Variants in HTR4 observed in about 807,000 individuals in gnomAD.
The protein encoded by HTR4 is 5-hydroxytryptamine receptor 4, also known as 5-hydroxytryptamine (serotonin) receptor 4, G protein-coupled.
Under a neutral mutation model 36.8 loss-of-function variants are expected in HTR4, and 16 were observed. The ratio of observed to expected loss-of-function variants is 0.43; its 90% CI spans 0.29 to 0.66. The LOEUF (loss-of-function observed/expected upper bound fraction) is 0.66, where lower values mean the gene tolerates loss of function less well. Among genes scored for constraint, HTR4 ranks in the 30% least tolerant of loss-of-function variants. The probability of loss-of-function intolerance (pLI) is 0.13; values close to 1 mark genes in which losing one functional copy is unlikely to be tolerated. For synonymous variants in HTR4, 189 were observed against 185.1 expected (o/e 1.02, Z -0.17); for missense variants, 438 against 490.9 (o/e 0.89, Z 1.02).
intron 5 of HTR4, among the ~76,000 whole-genome samples, chr5:148,516,969 A>G (rs1426112280): frequency 6.6e-6 from 1 of 152,214 alleles, no homozygotes; most frequent in East Asian, 1.9e-4. Flanking sequence ...AAAGGCCCCA[A>G]AGGAAATAGT....
intron 5 of HTR4, among the ~76,000 whole-genome samples, chr5:148,511,044 T>A (rs920901581): frequency 2.0e-5 from 3 of 152,210 alleles, no homozygotes; most frequent in African/African-American, 7.2e-5. Flanking sequence ...CATTTAGGTG[T>A]TCACCCTAAT....
intron 2 of HTR4, among the ~76,000 whole-genome samples, chr5:148,580,256 T>A (rs1057114284): frequency 2.0e-5 from 3 of 152,058 alleles, no homozygotes; most frequent in African/African-American, 7.2e-5. Flanking sequence ...CAGTAATCTT[T>A]TTCCCCCAGT....
At chr5:148,602,090 AT>A (rs1762016626) in intron 2 of HTR4, among the ~76,000 whole-genome samples, 1 of 152,178 alleles carries the variant, frequency 6.6e-6, no homozygotes, top group African/African-American at 2.4e-5. Context: ...ATACTCCATT[AT>A]ATACTTAAAA....
intron 6 of HTR4, among the ~76,000 whole-genome samples, chr5:148,493,030 C>T (rs762011209): frequency 3.5e-4 from 54 of 152,334 alleles, no homozygotes; most frequent in African/African-American, 9.9e-4. Context: ...TTAGGCCACC[C>T]GATTAACACA....
chr5:148,506,849 G>A (rs1446619046), intron 6 of HTR4, among the ~76,000 whole-genome samples: 1 of 152,150 alleles, frequency 6.6e-6, no homozygotes, highest in African/African-American at 2.4e-5. Context: ...AGTTAGAATG[G>A]CAATCATTAA....
chr5:148,471,370 A>G (rs1281121208), intron 5 of HTR4, among the ~76,000 whole-genome samples: 1 of 152,162 alleles, frequency 6.6e-6, no homozygotes, highest in Non-Finnish European at 1.5e-5. Flanking sequence ...ATTGAATTCA[A>G]TCATTCCCCA....
intron 2 of HTR4, among the ~76,000 whole-genome samples, chr5:148,610,947 T>C (rs1432469347): frequency 1.3e-5 from 2 of 149,978 alleles, no homozygotes; most frequent in Non-Finnish European, 3.0e-5. Context: ...ATGAAATGAA[T>C]GAAATGAAGC....
At chr5:148,582,381 G>C (rs1441802325) in intron 2 of HTR4, among the ~76,000 whole-genome samples, 1 of 151,904 alleles carries the variant, frequency 6.6e-6, no homozygotes, top group East Asian at 1.9e-4. Context: ...GTTTGGGGTA[G>C]GATTGATCTC....
intron 2 of HTR4, among the ~76,000 whole-genome samples, chr5:148,593,330 T>C (rs1201893468): frequency 6.6e-6 from 1 of 152,202 alleles, no homozygotes; most frequent in Admixed American, 6.5e-5. Context: ...CTCAGATCAA[T>C]GACAGTAGTA....
intron 1 of HTR4, among the ~76,000 whole-genome samples, chr5:148,650,253 T>C (rs1420017214): frequency 6.6e-6 from 1 of 152,212 alleles, no homozygotes; most frequent in Non-Finnish European, 1.5e-5. Flanking sequence ...GTGAAGCCAG[T>C]GCTCTATCAT....
At chr5:148,632,640 A>G (rs938551087) in intron 2 of HTR4, among the ~76,000 whole-genome samples, 1 of 152,190 alleles carries the variant, frequency 6.6e-6, no homozygotes, top group African/African-American at 2.4e-5. Context: ...ACTTTCCTTC[A>G]CCTGTTTATC....
At chr5:148,548,216 T>C (rs1253452321) in intron 4 of HTR4, among the ~76,000 whole-genome samples, 3 of 152,208 alleles carry the variant, frequency 2.0e-5, no homozygotes, top group Admixed American at 1.3e-4. Context: ...CATACATAAA[T>C]ATGTATATCA....
chr5:148,481,535 C>G (rs545169183), downstream of HTR4: 1 of 1,392,048 alleles, frequency 7.2e-7, no homozygotes, highest in African/African-American at 1.5e-5. Flanking sequence ...GACAGAGAGG[C>G]TTTTTTTTTT....
At chr5:148,634,076 C>T (rs890711202) in intron 2 of HTR4, among the ~76,000 whole-genome samples, 4 of 152,096 alleles carry the variant, frequency 2.6e-5, no homozygotes, top group Non-Finnish European at 5.9e-5. Context: ...TATGGCCGGA[C>T]AAAACACTTA....
chr5:148,589,467 T>C (rs999534670), intron 2 of HTR4, among the ~76,000 whole-genome samples: 8 of 152,174 alleles, frequency 5.3e-5, no homozygotes, highest in African/African-American at 9.7e-5. Flanking sequence ...TGAGATCACA[T>C]AGCTTTTCAT....
At chr5:148,511,094 C>T (rs2113774646) in intron 5 of HTR4, among the ~76,000 whole-genome samples, 1 of 152,144 alleles carries the variant, frequency 6.6e-6, no homozygotes, top group East Asian at 1.9e-4. Flanking sequence ...TATCAATGAC[C>T]TCTGTGTTGC....
intron 1 of HTR4, among the ~76,000 whole-genome samples, chr5:148,640,305 C>T (rs1244567958): frequency 1.3e-5 from 2 of 152,222 alleles, no homozygotes; most frequent in African/African-American, 4.8e-5. Context: ...CACCTCTTCC[C>T]TTCTCCAATC....
chr5:148,576,548 C>A (rs1423211969), intron 2 of HTR4, among the ~76,000 whole-genome samples: 1 of 152,030 alleles, frequency 6.6e-6, no homozygotes, highest in Non-Finnish European at 1.5e-5. Flanking sequence ...CTGAAGGCAT[C>A]ATGTTACCTG....
At chr5:148,634,416 C>G (rs902599522) in intron 2 of HTR4, among the ~76,000 whole-genome samples, 8 of 152,180 alleles carry the variant, frequency 5.3e-5, no homozygotes, top group African/African-American at 1.9e-4. Context: ...GAAGGCAATG[C>G]AGTTTTATGA....
Sources: gnomAD v4.1 joint callset for allele counts (sites outside exome capture counted in the v4.1 genomes callset) on GRCh38, gnomAD v4.1.1 for gene constraint, MANE v1.5 for transcripts, NCBI Gene and HGNC (gene_info 2026-07-23, HGNC 2026-07-21) for gene names.